The following PLEKHH2 variants were observed in gnomAD, a reference collection of about 807,000 sequenced individuals.
The protein encoded by PLEKHH2 is pleckstrin homology, MyTH4 and FERM domain containing H2.
In PLEKHH2, 129 loss-of-function variants were observed where a neutral mutation model predicts 187.9. The ratio of observed to expected loss-of-function variants is 0.69; its 90% CI spans 0.59 to 0.79. PLEKHH2 has a LOEUF of 0.79. Ranked by LOEUF, PLEKHH2 falls within the 30% of genes least tolerant of loss-of-function variation. The probability of loss-of-function intolerance (pLI) is 0.00; values close to 1 mark genes in which losing one functional copy is unlikely to be tolerated. For missense variants in PLEKHH2, 2,076 were observed against 1,751.2 expected, an observed-to-expected ratio of 1.19 and a Z score of -3.31; for synonymous variants, 686 against 605.6, an observed-to-expected ratio of 1.13 and a Z score of -1.95.
chr2:43,738,592 A>G (rs1671412667), intron 20 of PLEKHH2, 72 bp downstream of exon 20: 2 of 1,377,584 alleles, frequency 1.5e-6, no homozygotes, highest in Admixed American at 4.3e-5. Flanking sequence ...AATGATACAC[A>G]TTCAGCATAG....
At chr2:43,749,636 C>T (rs551717980) in intron 24 of PLEKHH2, among the ~76,000 whole-genome samples, 1 of 152,276 alleles carries the variant, frequency 6.6e-6, no homozygotes, top group South Asian at 2.1e-4. Context: ...AACTGAAAGG[C>T]TTGATTTTTA....
In PLEKHH2 at chr2:43,691,549, G is replaced by T. The variant is rs149999769; in HGVS notation, c.187-965G>T. ...AAACGGGAAGGCAGGTTCTCAATCT[G>T]GTTCAAGGATTTACCAGGGACTGTT... is the stretch of plus-strand genomic sequence containing the variant. On this transcript the variant is annotated intron_variant, in intron 3 of 29. Coordinates refer to ENST00000282406, the MANE Select transcript of PLEKHH2 (RefSeq NM_172069.4). Among the ~76,000 whole-genome samples the T allele has an allele frequency of 4.0e-3, 610 of 152,308 alleles. 7 individuals are homozygous for T. Among genetic ancestry groups the T allele is most frequent in the African/African-American group, 0.014 (578 of 41,564 alleles).
intron 2 of PLEKHH2, among the ~76,000 whole-genome samples, chr2:43,648,467 G>T (rs187879996): frequency 6.6e-6 from 1 of 151,918 alleles, no homozygotes; most frequent in Non-Finnish European, 1.5e-5. Flanking sequence ...GATTACAGGC[G>T]TGAGCTGCTG....
At chr2:43,691,473 A>G (rs1668791030) in intron 3 of PLEKHH2, among the ~76,000 whole-genome samples, 1 of 152,228 alleles carries the variant, frequency 6.6e-6, no homozygotes, top group South Asian at 2.1e-4. Context: ...AGGAAAGGGT[A>G]GGTATATGTA....
In PLEKHH2 at chr2:43,644,773, A is replaced by C; in HGVS notation, c.100A>C (p.Ile34Leu). 6.2e-7 allele frequency: 1 copy of C among 1,608,608 alleles called. No individual in the cohort carries two copies. Among genetic ancestry groups the C allele is most frequent in the Non-Finnish European group, 8.5e-7 (1 of 1,176,656 alleles). Residue 34 changes from isoleucine to leucine, a missense_variant, in exon 2 of 30, where the codon ATA (isoleucine) becomes CTA (leucine). By Grantham distance (5) the Ile-to-Leu change is conservative. Transcript: ENST00000282406. ...GAAATTTAGAGTTCAAGCAAGCAAG[A>C]TACGAGAGCTTTTAGCAGAGAAGGT... The part of the protein sequence containing the change: ...LMKFRVQASK[I>L]RELLAEKMQQ...
At chr2:43,697,025 A>T in intron 6 of PLEKHH2, 146 bp from the exon 7 acceptor site, 1 of 544,066 alleles carries the variant, frequency 1.8e-6, no homozygotes, top group South Asian at 3.8e-5. Context: ...TGAAGGTTCT[A>T]TGTTATTGTA....
At chr2:43,733,992 CAG>C (rs754646299) in intron 19 of PLEKHH2, among the ~76,000 whole-genome samples, 2 of 152,146 alleles carry the variant, frequency 1.3e-5, no homozygotes, top group Non-Finnish European at 2.9e-5. Context: ...AAAATCTAAA[CAG>C]AGGAGTTTAC....
At chr2:43,647,021 A>C (rs1666215616) in intron 2 of PLEKHH2, among the ~76,000 whole-genome samples, 1 of 151,836 alleles carries the variant, frequency 6.6e-6, no homozygotes, top group Non-Finnish European at 1.5e-5. Flanking sequence ...CATTATGAAT[A>C]TTTTTCTCAG....
At chr2:43,641,454 A>C (rs1182900066) in intron 1 of PLEKHH2, among the ~76,000 whole-genome samples, 1 of 151,916 alleles carries the variant, frequency 6.6e-6, no homozygotes, top group African/African-American at 2.4e-5. Flanking sequence ...ATGTGGCCCA[A>C]AACAAATTTG....
At chr2:43,656,008 G>T (rs1381051921) in intron 2 of PLEKHH2, among the ~76,000 whole-genome samples, 3 of 151,160 alleles carry the variant, frequency 2.0e-5, no homozygotes, top group Non-Finnish European at 4.4e-5. Flanking sequence ...GCCCAGGCTG[G>T]AGTGCAGTGG....
intron 2 of PLEKHH2, among the ~76,000 whole-genome samples, chr2:43,648,560 CGTGT>C (rs71410194): frequency 0.032 from 4,383 of 137,878 alleles, 114 homozygotes; most frequent in African/African-American, 0.066. Flanking sequence ...TAATTACATT[CGTGT>C]GTGTGTGTGT....
At chr2:43,648,104 G>C (rs1028549580) in intron 2 of PLEKHH2, among the ~76,000 whole-genome samples, 3 of 152,194 alleles carry the variant, frequency 2.0e-5, no homozygotes, top group African/African-American at 7.2e-5. Context: ...AGATCTTTCA[G>C]ACTTGTGATG....
At chr2:43,733,383 A>G (rs1486592807) in intron 19 of PLEKHH2, among the ~76,000 whole-genome samples, 1 of 137,792 alleles carries the variant, frequency 7.3e-6, no homozygotes, top group Non-Finnish European at 1.6e-5. Flanking sequence ...AAAAAAAAAA[A>G]TCCCTCCACT....
chr2:43,750,458 G>A (rs1251524959), intron 24 of PLEKHH2, among the ~76,000 whole-genome samples: 1 of 150,948 alleles, frequency 6.6e-6, no homozygotes, highest in Admixed American at 6.6e-5. Context: ...TCCAGTCTGG[G>A]TGACAGAGCG....
intron 18 of PLEKHH2, 49 bp from the exon 19 acceptor site, chr2:43,731,441 C>T: frequency 8.1e-7 from 1 of 1,239,034 alleles, no homozygotes; most frequent in Non-Finnish European, 1.2e-6. Context: ...TAAGAGGCCA[C>T]AATAAGTGGT....
chr2:43,684,947 G>C (rs567221785), intron 3 of PLEKHH2, among the ~76,000 whole-genome samples: 165 of 152,158 alleles, frequency 1.1e-3, no homozygotes, highest in African/African-American at 3.6e-3. Context: ...TTACACTTCA[G>C]AAGGACTTTT....
intron 2 of PLEKHH2, among the ~76,000 whole-genome samples, chr2:43,649,484 A>G (rs1666362785): frequency 6.6e-6 from 1 of 152,208 alleles, no homozygotes; most frequent in Non-Finnish European, 1.5e-5. Context: ...TCTTTTGTGA[A>G]TGTGATCCCC....
In PLEKHH2 at chr2:43,694,844, A is replaced by T. The variant is rs377481176; in HGVS notation, c.421-299A>T. ...TGGTAGCTGAGAAGCACACGTTTTC[A>T]TTTCTATGGCAGTTTAAAGCTGAAA... is the stretch of plus-strand genomic sequence containing the variant. On this transcript the variant is annotated intron_variant, in intron 5 of 29. Coordinates refer to ENST00000282406, the MANE Select transcript of PLEKHH2 (RefSeq NM_172069.4). 2.2e-4 allele frequency among the ~76,000 whole-genome samples: 34 copies of T among 152,250 alleles called. No homozygotes were observed. In the East Asian group the frequency reaches 4.2e-3, roughly 19 times the overall value.
At chr2:43,731,877 C>A (rs913822132) in intron 19 of PLEKHH2, among the ~76,000 whole-genome samples, 1 of 152,090 alleles carries the variant, frequency 6.6e-6, no homozygotes, top group Non-Finnish European at 1.5e-5. Context: ...TCCCCTTTAA[C>A]CTCTAATTTT....
Sources: allele counts gnomAD v4.1 joint callset (sites outside exome capture counted in the v4.1 genomes callset), GRCh38; gene constraint gnomAD v4.1.1; transcripts MANE v1.5; gene names NCBI Gene and HGNC (gene_info 2026-07-23, HGNC 2026-07-21).